The following TCF4 variants were observed in gnomAD, a reference collection of about 807,000 sequenced individuals.
The protein encoded by TCF4 is transcription factor 4.
Under a neutral mutation model 82.1 loss-of-function variants are expected in TCF4, and 3 were observed. The ratio of observed to expected loss-of-function variants is 0.04; its 90% confidence interval spans 0.02 to 0.09. The LOEUF is 0.09. Among genes scored for constraint, TCF4 ranks in the 10% least tolerant of loss-of-function variants. TCF4 has a pLI of 1.00. For synonymous variants in TCF4, 276 were observed against 309.6 expected (o/e 0.89, Z 1.14); for missense variants, 518 against 852.7 (o/e 0.61, Z 4.89).
In TCF4 at chr18:55,227,677, T is replaced by C. The variant is rs975448273; in HGVS notation, c.*358A>G. 1.3e-5 allele frequency: 2 copies of C among 151,940 alleles called. No homozygotes were observed. Among genetic ancestry groups the C allele is most frequent in the Non-Finnish European group, 3.0e-5 (2 of 67,754 alleles). 9.4% of individuals were successfully genotyped at this position (151,940 alleles called of 1,614,324 possible). On this transcript the variant is annotated 3_prime_UTR_variant, in exon 20 of 20. Transcript: ENST00000354452. Reference sequence around the variant, plus strand: ...TTTTTTCAGACTTACAAATTAATTATATTTTTTTTTTCCAAAAGAAGTTTA... The same window carrying C: ...TTTTTTCAGACTTACAAATTAATTACATTTTTTTTTTCCAAAAGAAGTTTA...
At chr18:55,418,208 C>T (rs1319988135) in intron 5 of TCF4, among the ~76,000 whole-genome samples, 1 of 152,074 alleles carries the variant, frequency 6.6e-6, no homozygotes, top group Non-Finnish European at 1.5e-5. Flanking sequence ...TTTTCATTCT[C>T]TATTTCTCCA....
intron 8 of TCF4, among the ~76,000 whole-genome samples, chr18:55,308,057 C>T (rs953232718): frequency 7.9e-5 from 12 of 152,162 alleles, no homozygotes; most frequent in Non-Finnish European, 1.5e-4. Flanking sequence ...GCACTACCAA[C>T]GCTAACTGGG....
At chr18:55,611,457 T>C (rs2097706913) in intron 2 of TCF4, among the ~76,000 whole-genome samples, 1 of 152,188 alleles carries the variant, frequency 6.6e-6, no homozygotes, top group African/African-American at 2.4e-5. Flanking sequence ...ATTCTATCCA[T>C]GACACCCTAC....
intron 8 of TCF4, among the ~76,000 whole-genome samples, chr18:55,297,147 GTTTT>G (rs35268463): frequency 2.7e-3 from 175 of 64,266 alleles, no homozygotes; most frequent in African/African-American, 0.012. Context: ...TTTCTTTGAG[GTTTT>G]TTTTTTTTTT....
chr18:55,383,420 A>T (rs1348295978), intron 6 of TCF4, among the ~76,000 whole-genome samples: 1 of 152,198 alleles, frequency 6.6e-6, no homozygotes, highest in Non-Finnish European at 1.5e-5. Flanking sequence ...CTAGGATACC[A>T]CTAAATCACT....
rs549101593 is a variant in TCF4, at chr18:55,392,688, GTTGTT to G, written c.369+10761_369+10765del. Among the ~76,000 whole-genome samples, 13 of 152,084 alleles carry G rather than the reference GTTGTT, an allele frequency of 8.5e-5. No homozygotes were observed. In the South Asian group the frequency reaches 2.5e-3, roughly 29 times the overall value. ...ACAGTTCATCTGAATAGCACAAAAT[GTTGTT>G]TTGTTTTGTTTTTTTAACTAAGAAA... On this transcript the variant is annotated intron_variant, in intron 6 of 19. Coordinates refer to ENST00000354452, the MANE Select transcript of TCF4 (RefSeq NM_001083962.2).
intron 6 of TCF4, among the ~76,000 whole-genome samples, chr18:55,394,622 G>A (rs2093379788): frequency 6.6e-6 from 1 of 152,146 alleles, no homozygotes; most frequent in Non-Finnish European, 1.5e-5. Flanking sequence ...TACAAGAAAT[G>A]TCTGACAAAA....
chr18:55,386,503 A>C (rs1444587550), intron 6 of TCF4, among the ~76,000 whole-genome samples: 1 of 152,182 alleles, frequency 6.6e-6, no homozygotes, highest in East Asian at 1.9e-4. Context: ...TGCAATCTAC[A>C]GTTTTGTAGT....
intron 8 of TCF4, among the ~76,000 whole-genome samples, chr18:55,326,702 A>G (rs1174917139): frequency 6.6e-6 from 1 of 152,208 alleles, no homozygotes; most frequent in South Asian, 2.1e-4. Context: ...ACCCTTGTCC[A>G]TTGAAAAAAG....
At chr18:55,546,379 T>C (rs1366030426) in intron 3 of TCF4, among the ~76,000 whole-genome samples, 1 of 151,930 alleles carries the variant, frequency 6.6e-6, no homozygotes, top group African/African-American at 2.4e-5. Flanking sequence ...AATACAGATG[T>C]AGAAACAAGA....
chr18:55,330,129 C>T (rs79997559), intron 8 of TCF4, among the ~76,000 whole-genome samples: 3,241 of 151,134 alleles, frequency 0.021, 130 homozygotes, highest in South Asian at 0.16. Context: ...CAAGATATAC[C>T]AATTTTGTAC....
chr18:55,564,971 C>T (rs1274608520), intron 3 of TCF4, among the ~76,000 whole-genome samples: 2 of 152,184 alleles, frequency 1.3e-5, no homozygotes, highest in Non-Finnish European at 2.9e-5. Flanking sequence ...CTGCACCAAA[C>T]TGCCTCTCAA....
chr18:55,268,942 AC>A (rs1341574700), intron 11 of TCF4: 1 of 152,068 alleles, frequency 6.6e-6, no homozygotes, highest in African/African-American at 2.4e-5. Flanking sequence ...TTTTAATAAG[AC>A]CCTGGGGCAC....
chr18:55,283,787 T>C (rs1018491696), intron 8 of TCF4, among the ~76,000 whole-genome samples: 2 of 152,198 alleles, frequency 1.3e-5, no homozygotes, highest in African/African-American at 2.4e-5. Flanking sequence ...GTATAATGTG[T>C]GTAAAGAAAC....
In TCF4 at chr18:55,335,080, C is replaced by T. The variant is rs538139854; in HGVS notation, c.549+15279G>A. On this transcript the variant is annotated intron_variant, in intron 8 of 19. Coordinates refer to ENST00000354452, the MANE Select transcript of TCF4 (RefSeq NM_001083962.2). Reference sequence around the variant, plus strand: ...CTGAAAGACAAGAACAGAACACACACATTCAAGCAGGAAGTGTGCCGGCCA... The same window carrying T: ...CTGAAAGACAAGAACAGAACACACATATTCAAGCAGGAAGTGTGCCGGCCA... Among the ~76,000 whole-genome samples, 4 of 152,338 alleles carry T rather than the reference C, an allele frequency of 2.6e-5. No homozygotes were observed. The South Asian group carries it at 8.3e-4, about 32-fold the overall frequency.
intron 8 of TCF4, among the ~76,000 whole-genome samples, chr18:55,310,214 C>T (rs760343425): frequency 1.4e-4 from 22 of 152,156 alleles, no homozygotes; most frequent in Non-Finnish European, 2.6e-4. Flanking sequence ...GAGTGAAGTG[C>T]AGGGTCTGAG....
chr18:55,455,196 A>G lies in TCF4; in HGVS notation c.304+5823T>C, dbSNP rs1420456465. On this transcript the variant is annotated intron_variant, in intron 5 of 19. Transcript: ENST00000354452. ...CTCTGTCTCAAAAAAAAAAAAAAAA[A>G]AAAAAAAGAAAAGAAAAAGAAGAAG... Among the ~76,000 whole-genome samples, 26 of 150,100 alleles carry G rather than the reference A, an allele frequency of 1.7e-4. No homozygotes were observed. In the South Asian group the frequency reaches 2.3e-3, roughly 13 times the overall value.
chr18:55,319,465 C>A (rs1293084830), intron 8 of TCF4, among the ~76,000 whole-genome samples: 1 of 152,156 alleles, frequency 6.6e-6, no homozygotes, highest in Non-Finnish European at 1.5e-5. Flanking sequence ...AGATGGACAA[C>A]TGGTAGCCAT....
At chr18:55,358,034 G>C (rs905457089) in intron 6 of TCF4, among the ~76,000 whole-genome samples, 1 of 152,064 alleles carries the variant, frequency 6.6e-6, no homozygotes, top group Admixed American at 6.5e-5. Flanking sequence ...GTCTGCACTC[G>C]ATGAGCACTA....
Sources: gnomAD v4.1 joint callset for allele counts (sites outside exome capture counted in the v4.1 genomes callset) on GRCh38, gnomAD v4.1.1 for gene constraint, MANE v1.5 for transcripts, NCBI Gene and HGNC (gene_info 2026-07-23, HGNC 2026-07-21) for gene names.